The following SH3RF1 variants were observed in gnomAD, a reference collection of about 807,000 sequenced individuals.
SH3RF1 encodes E3 ubiquitin-protein ligase SH3RF1.
A neutral mutation model predicts 74.0 loss-of-function variants in SH3RF1; 32 were observed. The observed-to-expected ratio is 0.43, with a 90% CI of 0.33 to 0.58. The LOEUF is 0.58. Among genes scored for constraint, SH3RF1 ranks in the 20% least tolerant of loss-of-function variants. SH3RF1 has a pLI of 0.05. For synonymous variants in SH3RF1, 396 were observed against 439.6 expected (o/e 0.90, Z 1.24); for missense variants, 954 against 1,130.9 (o/e 0.84, Z 2.24).
chr4:169,245,234 G>C (rs142461259), intron 2 of SH3RF1, among the ~76,000 whole-genome samples: 246 of 152,298 alleles, frequency 1.6e-3, no homozygotes, highest in African/African-American at 5.3e-3. Flanking sequence ...TAACTGTGAA[G>C]TCAGAACTGG....
chr4:169,248,494 G>A (rs1561064093), intron 2 of SH3RF1, among the ~76,000 whole-genome samples: 1 of 152,008 alleles, frequency 6.6e-6, no homozygotes, highest in Non-Finnish European at 1.5e-5. Flanking sequence ...TTGTGGGGTG[G>A]GAGGCAAGGA....
At chr4:169,147,561 T>C (rs138267411) in intron 4 of SH3RF1, among the ~76,000 whole-genome samples, 1 of 152,238 alleles carries the variant, frequency 6.6e-6, no homozygotes, top group Non-Finnish European at 1.5e-5. Flanking sequence ...ATCAGGACTT[T>C]GCACGTTTGT....
At chr4:169,258,464 G>GA (rs1439521912) in intron 2 of SH3RF1, among the ~76,000 whole-genome samples, 1 of 151,830 alleles carries the variant, frequency 6.6e-6, no homozygotes, top group Admixed American at 6.6e-5. Flanking sequence ...AAAATGAGTA[G>GA]AAAAAAGAAA....
intron 5 of SH3RF1, among the ~76,000 whole-genome samples, chr4:169,135,135 T>C (rs1733681025): frequency 2.0e-5 from 3 of 152,018 alleles, no homozygotes; most frequent in Admixed American, 2.0e-4. Context: ...AAGAGCTTGT[T>C]ACCAGCCTGG....
At chr4:169,174,983 C>G (rs757787622) in intron 2 of SH3RF1, among the ~76,000 whole-genome samples, 6 of 152,180 alleles carry the variant, frequency 3.9e-5, no homozygotes, top group Non-Finnish European at 4.4e-5. Context: ...CAAAACAGAC[C>G]TCTTGGTTTC....
chr4:169,183,059 A>C, intron 2 of SH3RF1, among the ~76,000 whole-genome samples: 1 of 152,086 alleles, frequency 6.6e-6, no homozygotes, highest in East Asian at 1.9e-4. Flanking sequence ...TAATCCCAGC[A>C]GTTTGGGAGT....
intron 2 of SH3RF1, among the ~76,000 whole-genome samples, chr4:169,163,064 G>T (rs142038811): frequency 6.6e-6 from 1 of 150,946 alleles, no homozygotes; most frequent in Non-Finnish European, 1.5e-5. Context: ...CTGTTTTGCG[G>T]GGGGCATTAA....
intron 2 of SH3RF1, among the ~76,000 whole-genome samples, chr4:169,219,287 A>G (rs1006624302): frequency 1.3e-5 from 2 of 152,200 alleles, no homozygotes; most frequent in Non-Finnish European, 1.5e-5. Context: ...ATTTATGCCA[A>G]ATCGTTTCTG....
At position 169,117,775 on chromosome 4, in the gene SH3RF1, T is replaced by A. The variant is rs1733362322; in HGVS notation, c.1525A>T (p.Thr509Ser). 2 of 1,608,414 alleles carry A rather than the reference T, an allele frequency of 1.2e-6. No homozygotes were observed. Among genetic ancestry groups the A allele is most frequent in the African/African-American group, 1.3e-5 (1 of 74,936 alleles). Reference protein sequence around the residue: ...NYVAPVTRAVTNASQAKVPMS... With the variant: ...NYVAPVTRAVSNASQAKVPMS... Reference sequence around the variant, plus strand: ...GGGACTTTAGCTTGGGAAGCATTTGTCACCGCCCTGCCAAGACACAAACAT... The same window carrying A: ...GGGACTTTAGCTTGGGAAGCATTTGACACCGCCCTGCCAAGACACAAACAT... The change falls in exon 9 of 12, where the codon ACA becomes TCA. Residue 509 changes from threonine to serine, a missense_variant. Coordinates refer to ENST00000284637, the MANE Select transcript of SH3RF1 (RefSeq NM_020870.4).
At chr4:169,226,456 T>C (rs1730654348) in intron 2 of SH3RF1, among the ~76,000 whole-genome samples, 1 of 148,854 alleles carries the variant, frequency 6.7e-6, no homozygotes, top group African/African-American at 2.5e-5. Flanking sequence ...TGGAATGTTA[T>C]AATGAAGAAA....
chr4:169,133,575 C>T (rs1361519051), intron 5 of SH3RF1, among the ~76,000 whole-genome samples: 1 of 151,512 alleles, frequency 6.6e-6, no homozygotes, highest in African/African-American at 2.4e-5. Flanking sequence ...GTCAGGAGTT[C>T]GAGACCAGCC....
At chr4:169,149,056 G>A (rs904667406) in intron 4 of SH3RF1, among the ~76,000 whole-genome samples, 6 of 152,106 alleles carry the variant, frequency 3.9e-5, no homozygotes, top group African/African-American at 1.4e-4. Context: ...GCGTTTTTAT[G>A]TTCTATGAAA....
At chr4:169,237,524 T>C (rs2127010880) in intron 2 of SH3RF1, among the ~76,000 whole-genome samples, 1 of 152,232 alleles carries the variant, frequency 6.6e-6, no homozygotes, top group East Asian at 1.9e-4. Flanking sequence ...GGGGAAATGG[T>C]TATACATACC....
intron 5 of SH3RF1, among the ~76,000 whole-genome samples, chr4:169,130,860 A>G (rs988736013): frequency 2.0e-5 from 3 of 152,248 alleles, no homozygotes; most frequent in African/African-American, 7.2e-5. Flanking sequence ...CTCAGGTTGC[A>G]TAGCAGGTCC....
chr4:169,250,726 A>G (rs1731089340), intron 2 of SH3RF1, among the ~76,000 whole-genome samples: 1 of 152,216 alleles, frequency 6.6e-6, no homozygotes. Flanking sequence ...ATAAATGTAT[A>G]ATGTGATTTT....
At chr4:169,165,144 G>C (rs1046068734) in intron 2 of SH3RF1, among the ~76,000 whole-genome samples, 2 of 152,180 alleles carry the variant, frequency 1.3e-5, no homozygotes, top group African/African-American at 4.8e-5. Context: ...TATTTCCTGG[G>C]AAAAGGTCAA....
chr4:169,111,671 T>C (rs191820326), intron 10 of SH3RF1, among the ~76,000 whole-genome samples: 340 of 152,294 alleles, frequency 2.2e-3, no homozygotes, highest in Non-Finnish European at 3.5e-3. Flanking sequence ...GATCAAATAA[T>C]GAAGACTTTG....
chr4:169,141,243 TG>T (rs910224053), intron 4 of SH3RF1, among the ~76,000 whole-genome samples: 1 of 152,084 alleles, frequency 6.6e-6, no homozygotes, highest in Non-Finnish European at 1.5e-5. Context: ...TTGTTATACA[TG>T]TATCTACTTT....
chr4:169,156,275 A>T, intron 3 of SH3RF1, 129 bp downstream of exon 3: 2 of 1,025,274 alleles, frequency 2.0e-6, no homozygotes, highest in Non-Finnish European at 1.4e-6. Flanking sequence ...AGGCATTTTC[A>T]GAAGCATAGT....
Sources: allele counts gnomAD v4.1 joint callset (sites outside exome capture counted in the v4.1 genomes callset), GRCh38; gene constraint gnomAD v4.1.1; transcripts MANE v1.5; gene names NCBI Gene and HGNC (gene_info 2026-07-23, HGNC 2026-07-21).